KCNJ6: variants seen among roughly 807,000 people sequenced by gnomAD.
KCNJ6 encodes potassium inwardly rectifying channel subfamily J member 6.
Under a neutral mutation model 34.2 loss-of-function variants are expected in KCNJ6, and 9 were observed. The ratio of observed to expected loss-of-function variants is 0.26; its 90% CI spans 0.16 to 0.46. The LOEUF (loss-of-function observed/expected upper bound fraction) is 0.46, where lower values mean the gene tolerates loss of function less well. Ranked by LOEUF, KCNJ6 falls within the 20% of genes least tolerant of loss-of-function variation. The probability of loss-of-function intolerance (pLI) is 1.00; values close to 1 mark genes in which losing one functional copy is unlikely to be tolerated. For synonymous variants in KCNJ6, 196 were observed against 207.1 expected, an observed-to-expected ratio of 0.95 and a Z score of 0.46; for missense variants, 236 against 531.3, an observed-to-expected ratio of 0.44 and a Z score of 5.46.
In KCNJ6 at chr21:37,661,627, T is replaced by C. The variant is rs1256296856; in HGVS notation, c.947-36143A>G. On this transcript the variant is annotated intron_variant, in intron 3 of 3. Transcript: ENST00000609713. Reference sequence around the variant, plus strand: ...TTAAGAGACATAGTTTTTTTTTTTTTTTTTTTTTTTTTTGAGACTGGAGTC... The same window carrying C: ...TTAAGAGACATAGTTTTTTTTTTTTCTTTTTTTTTTTTTGAGACTGGAGTC... Among the ~76,000 whole-genome samples the C allele has an allele frequency of 3.1e-4, 40 of 129,236 alleles. 2 individuals carry two copies. Among genetic ancestry groups the C allele is most frequent in the African/African-American group, 1.1e-3 (38 of 34,156 alleles). 84.8% of individuals were successfully genotyped at this position (129,236 alleles called of 152,430 possible).
At chr21:37,767,118 A>G (rs2055095153) in intron 2 of KCNJ6, among the ~76,000 whole-genome samples, 1 of 152,144 alleles carries the variant, frequency 6.6e-6, no homozygotes, top group South Asian at 2.1e-4. Flanking sequence ...CCCCATCCTC[A>G]ACACACCGCA....
rs2054247538 is a variant in KCNJ6 at position 37,612,757 on chromosome 21, A to G, written c.*12402T>C. The G allele has an allele frequency of 6.6e-6, 1 of 150,908 alleles. No individual in the cohort carries two copies. The highest frequency in any genetic ancestry group is 6.6e-5 in the Admixed American group (1 of 15,128). The allele number at this position is 150,908 out of a possible 1,614,324, so 9.3% of individuals were successfully genotyped here. A position where few individuals can be genotyped will look rare whatever the true frequency, so the allele number is the denominator to read the frequency against. On this transcript the variant is annotated 3_prime_UTR_variant, in exon 4 of 4. Coordinates refer to ENST00000609713, the MANE Select transcript of KCNJ6 (RefSeq NM_002240.5). The stretch of plus-strand genomic sequence containing the variant: ...AAAAAAAAAAAAAGAGTCTAAATAC[A>G]GACCTAACAAACACTTTTCACAAAA...
rs1200676800 is a variant in KCNJ6, at chr21:37,902,358, A to G, written c.-28+13526T>C. Reference sequence around the variant, plus strand: ...CAGTACAAGTTACTAAGAAAAGAAGAAAGCTCTTTCCCATGTGACATCTCC... The same window carrying G: ...CAGTACAAGTTACTAAGAAAAGAAGGAAGCTCTTTCCCATGTGACATCTCC... On this transcript the variant is annotated intron_variant, in intron 1 of 3. Transcript: ENST00000609713. Among the ~76,000 whole-genome samples the G allele has an allele frequency of 2.0e-5, 3 of 152,320 alleles. No individual in the cohort carries two copies. The East Asian group carries it at 5.8e-4, about 29-fold the overall frequency.
intron 2 of KCNJ6, among the ~76,000 whole-genome samples, chr21:37,744,896 C>T (rs563023219): frequency 5.9e-5 from 9 of 152,164 alleles, no homozygotes; most frequent in African/African-American, 1.9e-4. Context: ...ATCCTGATCC[C>T]GGGAACTGTG....
chr21:37,866,942 A>G (rs761944159), intron 1 of KCNJ6, among the ~76,000 whole-genome samples: 3 of 152,204 alleles, frequency 2.0e-5, no homozygotes, highest in African/African-American at 7.2e-5. Flanking sequence ...TATTTTTACA[A>G]TCTCTAAATT....
At chr21:37,855,657 G>A (rs568550256) in intron 1 of KCNJ6, among the ~76,000 whole-genome samples, 10 of 152,248 alleles carry the variant, frequency 6.6e-5, no homozygotes, top group African/African-American at 2.4e-4. Context: ...CATCTGCTGG[G>A]GGCCCCTCTC....
chr21:37,893,075 C>T (rs999319786), intron 1 of KCNJ6, among the ~76,000 whole-genome samples: 3 of 151,640 alleles, frequency 2.0e-5, no homozygotes, highest in African/African-American at 4.8e-5. Flanking sequence ...AGGATGGTCT[C>T]GATCTCCTAA....
At chr21:37,841,173 G>A (rs2836018) in intron 1 of KCNJ6, among the ~76,000 whole-genome samples, 68,101 of 151,816 alleles carry the variant, frequency 0.45, 15,522 homozygotes, top group East Asian at 0.67. Context: ...TGGGTTCCTG[G>A]AGCCTTTAAA....
At chr21:37,647,515 C>A (rs1054320671) in intron 3 of KCNJ6, among the ~76,000 whole-genome samples, 6 of 152,138 alleles carry the variant, frequency 3.9e-5, no homozygotes, top group Non-Finnish European at 7.4e-5. Flanking sequence ...TTTTCAGATG[C>A]AAACCAATGG....
chr21:37,876,569 G>A (rs967148787), intron 1 of KCNJ6, among the ~76,000 whole-genome samples: 2 of 151,812 alleles, frequency 1.3e-5, no homozygotes, highest in African/African-American at 4.8e-5. Context: ...GTGCATATAT[G>A]TTCTGTCCTT....
rs183675658 is a variant in KCNJ6 at position 37,732,090 on chromosome 21, G to A, written c.26-16959C>T. 1.2e-4 allele frequency among the ~76,000 whole-genome samples: 19 copies of A among 152,302 alleles called. No homozygotes were observed. In the South Asian group the frequency reaches 2.7e-3, roughly 22 times the overall value. On this transcript the variant is annotated intron_variant, in intron 2 of 3. Coordinates refer to ENST00000609713, the MANE Select transcript of KCNJ6 (RefSeq NM_002240.5). ...AAGCATGACACCTAGTTTTCCAAACGAGGGAGGGGAAGCAACCAGTAGAAA... is the reference window on the plus strand; with the variant it reads ...AAGCATGACACCTAGTTTTCCAAACAAGGGAGGGGAAGCAACCAGTAGAAA...
intron 3 of KCNJ6, among the ~76,000 whole-genome samples, chr21:37,683,845 C>T (rs934513855): frequency 6.6e-6 from 1 of 152,104 alleles, no homozygotes; most frequent in African/African-American, 2.4e-5. Context: ...GAAAGGATCC[C>T]TTCTGCAGCG....
At chr21:37,905,401 T>C (rs946528666) in intron 1 of KCNJ6, among the ~76,000 whole-genome samples, 2 of 152,236 alleles carry the variant, frequency 1.3e-5, no homozygotes, top group Non-Finnish European at 2.9e-5. Flanking sequence ...CTGATTTCCA[T>C]GGTGTGGTAG....
intron 1 of KCNJ6, among the ~76,000 whole-genome samples, chr21:37,889,132 C>T (rs2055749651): frequency 6.6e-6 from 1 of 152,180 alleles, no homozygotes; most frequent in African/African-American, 2.4e-5. Flanking sequence ...AGATGTGAAC[C>T]ACACGTGACT....
chr21:37,706,494 T>G (rs1479064332), intron 3 of KCNJ6, among the ~76,000 whole-genome samples: 1 of 152,214 alleles, frequency 6.6e-6, no homozygotes, highest in Non-Finnish European at 1.5e-5. Flanking sequence ...TTCCCTGACT[T>G]AAGAACGGTG....
chr21:37,688,383 A>ATT lies in KCNJ6; in HGVS notation c.946+25827_946+25828insAA, dbSNP rs1368139180. Among the ~76,000 whole-genome samples the ATT allele has an allele frequency of 1.7e-3, 189 of 114,298 alleles. No individual in the cohort carries two copies. The East Asian group carries it at 0.027, about 17-fold the overall frequency. 75.0% of individuals were successfully genotyped at this position (114,298 alleles called of 152,430 possible). On this transcript the variant is annotated intron_variant, in intron 3 of 3. Transcript: ENST00000609713. ...TATTTTAAAAGCATTTTTTTTTTAA[A>ATT]AAATCTACTACATTCTAGATTCTAT...
intron 2 of KCNJ6, among the ~76,000 whole-genome samples, chr21:37,807,036 T>C (rs144883318): frequency 2.6e-4 from 40 of 152,314 alleles, no homozygotes; most frequent in African/African-American, 8.7e-4. Flanking sequence ...AAAAATTTTG[T>C]AACAATTTAG....
At chr21:37,911,470 CAAG>C (rs2055866913) in intron 1 of KCNJ6, among the ~76,000 whole-genome samples, 1 of 152,080 alleles carries the variant, frequency 6.6e-6, no homozygotes, top group Non-Finnish European at 1.5e-5. Context: ...AATGAAGAAA[CAAG>C]AAATGCCATC....
At chr21:37,685,052 T>C (rs543865243) in intron 3 of KCNJ6, among the ~76,000 whole-genome samples, 15 of 152,328 alleles carry the variant, frequency 9.8e-5, no homozygotes, top group African/African-American at 3.6e-4. Context: ...AGGGAGTCAT[T>C]TCCTTTATAT....
Sources: gnomAD v4.1 joint callset for allele counts (sites outside exome capture counted in the v4.1 genomes callset) on GRCh38, gnomAD v4.1.1 for gene constraint, MANE v1.5 for transcripts, NCBI Gene and HGNC (gene_info 2026-07-23, HGNC 2026-07-21) for gene names.